The following PDE4D variants were observed in gnomAD, a reference collection of about 807,000 sequenced individuals.
PDE4D encodes the protein 3',5'-cyclic-AMP phosphodiesterase 4D.
In PDE4D, 24 loss-of-function variants were observed where a neutral mutation model predicts 87.4. The ratio of observed to expected loss-of-function variants is 0.27; its 90% confidence interval spans 0.20 to 0.39. The LOEUF (loss-of-function observed/expected upper bound fraction) is 0.39, where lower values mean the gene tolerates loss of function less well. PDE4D is among the 10% of genes least tolerant of loss of function. The pLI is 1.00. For missense variants in PDE4D, 714 were observed against 1,041.0 expected (o/e 0.69, Z 4.32); for synonymous variants, 384 against 383.2 (o/e 1.00, Z -0.02).
intron 2 of PDE4D, among the ~76,000 whole-genome samples, chr5:60,148,313 TA>T (rs1211207046): frequency 6.6e-6 from 1 of 152,168 alleles, no homozygotes; most frequent in Non-Finnish European, 1.5e-5. Context: ...AACTGGGGAT[TA>T]AAAATATTCC....
rs143001430 is a variant in PDE4D, at chr5:59,929,856, C to A, written c.272+58632G>T. Among the ~76,000 whole-genome samples, 65 of 152,200 alleles carry A rather than the reference C, an allele frequency of 4.3e-4. 2 individuals are homozygous for A. Among genetic ancestry groups the A allele is most frequent in the African/African-American group, 1.5e-3 (64 of 41,518 alleles). On this transcript the variant is annotated intron_variant, in intron 3 of 16. Transcript: ENST00000502484. ...AATGCTTCCTTTCAAAGTTAATGAA[C>A]AAGGAAGCTCTAGCTGTCTCTGGAA...
At chr5:59,011,460 T>C (rs1752790934) in intron 6 of PDE4D, among the ~76,000 whole-genome samples, 1 of 152,172 alleles carries the variant, frequency 6.6e-6, no homozygotes, top group Admixed American at 6.5e-5. Flanking sequence ...AATGACCTGA[T>C]GGAGCTGAAA....
chr5:60,418,174 G>GA (rs1382775253), intron 1 of PDE4D, among the ~76,000 whole-genome samples: 20 of 111,806 alleles, frequency 1.8e-4, no homozygotes, highest in South Asian at 4.7e-4. Context: ...TGAGGTAAAG[G>GA]GAAAAAAAAC....
At chr5:59,953,370 C>G in intron 3 of PDE4D, among the ~76,000 whole-genome samples, 1 of 150,148 alleles carries the variant, frequency 6.7e-6, no homozygotes, top group African/African-American at 2.4e-5. Flanking sequence ...TTTTTTTTGT[C>G]TAGAATTTCG....
chr5:59,344,303 A>G (rs1454403738), intron 1 of PDE4D, among the ~76,000 whole-genome samples: 1 of 152,236 alleles, frequency 6.6e-6, no homozygotes, highest in Non-Finnish European at 1.5e-5. Context: ...GTAAAGGGTG[A>G]GCGAAAAATG....
chr5:60,327,558 A>G (rs6874388), intron 1 of PDE4D, among the ~76,000 whole-genome samples: 2 of 152,012 alleles, frequency 1.3e-5, no homozygotes, highest in African/African-American at 4.8e-5. Flanking sequence ...CCATCCTTCA[A>G]TATTAAATAA....
At chr5:59,394,838 GA>G (rs1789010360) in intron 1 of PDE4D, among the ~76,000 whole-genome samples, 1 of 152,114 alleles carries the variant, frequency 6.6e-6, no homozygotes, top group Non-Finnish European at 1.5e-5. Flanking sequence ...TCTCACTAGG[GA>G]GTGCCAGACA....
intron 1 of PDE4D, among the ~76,000 whole-genome samples, chr5:60,411,077 A>C (rs892537656): frequency 1.3e-5 from 2 of 152,234 alleles, no homozygotes; most frequent in Non-Finnish European, 2.9e-5. Flanking sequence ...CTGGCCCTAG[A>C]GAATGGGAGA....
chr5:59,122,061 G>A (rs1253339211), intron 5 of PDE4D, among the ~76,000 whole-genome samples: 1 of 145,610 alleles, frequency 6.9e-6, no homozygotes, highest in Admixed American at 7.1e-5. Context: ...AGAATTGCTT[G>A]AACCCGGGAG....
intron 1 of PDE4D, among the ~76,000 whole-genome samples, chr5:60,516,943 T>A (rs1750825659): frequency 6.6e-6 from 1 of 152,042 alleles, no homozygotes. Context: ...AGTCCTGCCC[T>A]CCTGGGCACA....
chr5:60,015,839 C>G (rs975590568), intron 2 of PDE4D, among the ~76,000 whole-genome samples: 1 of 151,874 alleles, frequency 6.6e-6, no homozygotes, highest in African/African-American at 2.4e-5. Flanking sequence ...TCTGCTGGAC[C>G]ATCCTGCACG....
chr5:60,045,115 G>C (rs1769048060), intron 2 of PDE4D, among the ~76,000 whole-genome samples: 1 of 152,168 alleles, frequency 6.6e-6, no homozygotes, highest in Non-Finnish European at 1.5e-5. Context: ...CTGATGGCCA[G>C]TGATGGTGAG....
At chr5:59,395,306 G>C (rs1470734806) in intron 1 of PDE4D, among the ~76,000 whole-genome samples, 1 of 152,220 alleles carries the variant, frequency 6.6e-6, no homozygotes, top group Non-Finnish European at 1.5e-5. Context: ...CAAAAAGACA[G>C]CAGTAACCTC....
At chr5:60,471,735 T>A (rs1747827686) in intron 1 of PDE4D, among the ~76,000 whole-genome samples, 1 of 152,174 alleles carries the variant, frequency 6.6e-6, no homozygotes, top group Admixed American at 6.6e-5. Flanking sequence ...AGGTATGTAC[T>A]TTTTTTAGAT....
chr5:59,061,756 G>GA (rs1000720614), intron 5 of PDE4D, among the ~76,000 whole-genome samples: 4 of 151,868 alleles, frequency 2.6e-5, no homozygotes, highest in African/African-American at 4.8e-5. Context: ...CTCGTTTTGG[G>GA]AAAAAAAATT....
intron 2 of PDE4D, among the ~76,000 whole-genome samples, chr5:59,203,247 AT>A (rs1167943672): frequency 1.3e-5 from 2 of 152,208 alleles, no homozygotes; most frequent in African/African-American, 4.8e-5. Context: ...AGTGCTCAAC[AT>A]CACTAATCTT....
chr5:59,344,035 G>C (rs150060140), intron 1 of PDE4D, among the ~76,000 whole-genome samples: 1 of 152,054 alleles, frequency 6.6e-6, no homozygotes, highest in African/African-American at 2.4e-5. Flanking sequence ...TACATTTTGC[G>C]TGGTGGATTA....
At chr5:60,117,740 T>C (rs1470965887) in intron 2 of PDE4D, among the ~76,000 whole-genome samples, 4 of 151,988 alleles carry the variant, frequency 2.6e-5, no homozygotes, top group Admixed American at 6.6e-5. Context: ...AGAAGACCTC[T>C]GGCTCATAAA....
chr5:59,455,681 C>T (rs1028699431), intron 1 of PDE4D, among the ~76,000 whole-genome samples: 2 of 152,180 alleles, frequency 1.3e-5, no homozygotes, highest in African/African-American at 2.4e-5. Context: ...TGACAGTTTG[C>T]GCCATGTGTG....
Sources: gnomAD v4.1 joint callset for allele counts (sites outside exome capture counted in the v4.1 genomes callset) on GRCh38, gnomAD v4.1.1 for gene constraint, MANE v1.5 for transcripts, NCBI Gene and HGNC (gene_info 2026-07-23, HGNC 2026-07-21) for gene names.